The following ADGRL3 variants were observed in gnomAD, a reference collection of about 807,000 sequenced individuals.
ADGRL3 encodes calcium-independent alpha-latrotoxin receptor 3.
In ADGRL3, 62 loss-of-function variants were observed where a neutral mutation model predicts 153.5. That is an observed-to-expected ratio of 0.40 (90% confidence interval 0.33 to 0.50). The LOEUF is 0.50. ADGRL3 is among the 20% of genes least tolerant of loss of function. The pLI, the probability that ADGRL3 is intolerant of heterozygous loss-of-function variation, is 0.47. For synonymous variants in ADGRL3, 710 were observed against 672.5 expected (o/e 1.06, Z -0.86); for missense variants, 1,641 against 1,859.4 (o/e 0.88, Z 2.16).
At chr4:61,538,049 T>C (rs2098667907) in intron 4 of ADGRL3, among the ~76,000 whole-genome samples, 1 of 152,226 alleles carries the variant, frequency 6.6e-6, no homozygotes, top group African/African-American at 2.4e-5. Context: ...TGTGTTTTTG[T>C]ACCGCTGGAG....
At chr4:61,736,997 G>A (rs992723836) in intron 8 of ADGRL3, among the ~76,000 whole-genome samples, 1 of 152,096 alleles carries the variant, frequency 6.6e-6, no homozygotes, top group Middle Eastern at 3.4e-3. Context: ...TTCAATTAAC[G>A]TTAATAGAGG....
intron 5 of ADGRL3, among the ~76,000 whole-genome samples, chr4:61,645,932 A>G (rs1167811609): frequency 2.6e-5 from 4 of 152,240 alleles, no homozygotes; most frequent in South Asian, 2.1e-4. Context: ...CCAATCAGAC[A>G]TGGATTTGGT....
At chr4:61,285,113 G>T (rs77306813) in intron 1 of ADGRL3, among the ~76,000 whole-genome samples, 1 of 151,618 alleles carries the variant, frequency 6.6e-6, no homozygotes, top group Non-Finnish European at 1.5e-5. Flanking sequence ...AAAAAAATAC[G>T]ACCCTGGCTT....
intron 8 of ADGRL3, among the ~76,000 whole-genome samples, chr4:61,788,166 T>G (rs773047250): frequency 1.3e-5 from 2 of 152,202 alleles, no homozygotes; most frequent in Non-Finnish European, 2.9e-5. Flanking sequence ...CTACCGCCTG[T>G]AACATCCTGG....
chr4:61,855,887 G>C (rs1049090698), intron 9 of ADGRL3, among the ~76,000 whole-genome samples: 2 of 152,000 alleles, frequency 1.3e-5, no homozygotes, highest in African/African-American at 4.8e-5. Flanking sequence ...ATAATTAAAA[G>C]AGCAATTAAG....
At chr4:61,873,286 T>G (rs1449042354) in intron 9 of ADGRL3, among the ~76,000 whole-genome samples, 1 of 152,168 alleles carries the variant, frequency 6.6e-6, no homozygotes, top group African/African-American at 2.4e-5. Context: ...ATTTCTTCTG[T>G]GCAGTATAAT....
Position 61,358,457 on chromosome 4 carries a change from C to T in ADGRL3, c.-239-24667C>T, listed in dbSNP as rs138756828. 5.3e-3 allele frequency among the ~76,000 whole-genome samples: 812 copies of T among 151,974 alleles called. 6 individuals carry two copies. Among genetic ancestry groups the T allele is most frequent in the African/African-American group, 0.018 (766 of 41,498 alleles). On this transcript the variant is annotated intron_variant, in intron 1 of 26. Transcript: ENST00000683033. ...CTAAAAATACAAAAAATTAGCCGGG[C>T]GTGGTGGCGGGCGCCTGTAGTCCCA... is the stretch of plus-strand genomic sequence containing the variant.
intron 1 of ADGRL3, among the ~76,000 whole-genome samples, chr4:61,228,193 G>A (rs1292358893): frequency 3.9e-5 from 6 of 152,048 alleles, no homozygotes. Context: ...TTTTTAAAAA[G>A]TAATGACAGA....
intron 1 of ADGRL3, among the ~76,000 whole-genome samples, chr4:61,264,687 T>G (rs2092740192): frequency 6.6e-6 from 1 of 151,934 alleles, no homozygotes; most frequent in Admixed American, 6.6e-5. Flanking sequence ...AAACGTGCCC[T>G]TTACTAATAA....
chr4:61,579,267 T>C (rs922297181), intron 4 of ADGRL3, among the ~76,000 whole-genome samples: 8 of 152,138 alleles, frequency 5.3e-5, no homozygotes, highest in Non-Finnish European at 1.0e-4. Flanking sequence ...AAAATTTCTT[T>C]TGAACTAAAT....
At chr4:61,979,410 GA>G (rs2099059592) in intron 17 of ADGRL3, among the ~76,000 whole-genome samples, 152 bp from the exon 18 acceptor site, 1 of 152,126 alleles carries the variant, frequency 6.6e-6, no homozygotes. Context: ...CTGTGGAAGA[GA>G]AAACCCAAAT....
chr4:61,423,217 G>A (rs780913762), intron 2 of ADGRL3, among the ~76,000 whole-genome samples: 1 of 152,178 alleles, frequency 6.6e-6, no homozygotes, highest in African/African-American at 2.4e-5. Context: ...CAAAGAAAGG[G>A]ATGTTGAAGT....
At chr4:61,444,922 G>A (rs1201823779) in intron 2 of ADGRL3, among the ~76,000 whole-genome samples, 1 of 151,954 alleles carries the variant, frequency 6.6e-6, no homozygotes, top group Non-Finnish European at 1.5e-5. Flanking sequence ...GTGTAGTGGT[G>A]TACGCCTGTA....
At chr4:61,702,022 G>A (rs2095772960) in intron 6 of ADGRL3, among the ~76,000 whole-genome samples, 1 of 152,126 alleles carries the variant, frequency 6.6e-6, no homozygotes, top group Admixed American at 6.6e-5. Context: ...GGACATAAGT[G>A]TAAGATCACT....
intron 1 of ADGRL3, among the ~76,000 whole-genome samples, chr4:61,304,119 A>T (rs893429503): frequency 6.6e-6 from 1 of 152,188 alleles, no homozygotes; most frequent in Non-Finnish European, 1.5e-5. Flanking sequence ...GCAGCTGCTG[A>T]TAATTGTAGA....
rs190246521 is a variant in ADGRL3 at position 61,927,875 on chromosome 4, T to C, written c.2113-6965T>C. 4.4e-3 allele frequency among the ~76,000 whole-genome samples: 662 copies of C among 152,058 alleles called. 9 individuals carry two copies. Among genetic ancestry groups the C allele is most frequent in the African/African-American group, 0.015 (634 of 41,548 alleles). ...TGTTTTTATTATTTCAAATTATAAA[T>C]CAATGGATACTATTTTCATCTGTCT... On this transcript the variant is annotated intron_variant, in intron 13 of 26. Coordinates refer to ENST00000683033, the MANE Select transcript of ADGRL3 (RefSeq NM_001387552.1).
intron 21 of ADGRL3, among the ~76,000 whole-genome samples, chr4:62,010,853 C>G (rs2099182901): frequency 6.6e-6 from 1 of 151,962 alleles, no homozygotes; most frequent in Middle Eastern, 3.4e-3. Context: ...TTAAAACTTA[C>G]TCTGTTTTTA....
intron 1 of ADGRL3, among the ~76,000 whole-genome samples, chr4:61,374,357 A>G (rs2096578350): frequency 6.6e-6 from 1 of 152,172 alleles, no homozygotes. Context: ...GAAAGAAAGA[A>G]TAAGTAGGTC....
At chr4:61,680,399 C>A (rs1196935507) in intron 6 of ADGRL3, among the ~76,000 whole-genome samples, 2 of 137,550 alleles carry the variant, frequency 1.5e-5, no homozygotes, top group African/African-American at 5.6e-5. Context: ...TAAATTTATA[C>A]ATACTCGTGT....
Sources: gnomAD v4.1 joint callset for allele counts (sites outside exome capture counted in the v4.1 genomes callset) on GRCh38, gnomAD v4.1.1 for gene constraint, MANE v1.5 for transcripts, NCBI Gene and HGNC (gene_info 2026-07-23, HGNC 2026-07-21) for gene names.